CMIP: variants seen among roughly 807,000 people sequenced by gnomAD.
The protein encoded by CMIP is c-Maf inducing protein.
Under a neutral mutation model 97.3 loss-of-function variants are expected in CMIP, and 13 were observed. That is an observed-to-expected ratio of 0.13 (90% CI 0.09 to 0.21). The LOEUF (loss-of-function observed/expected upper bound fraction) is 0.21, where lower values mean the gene tolerates loss of function less well. CMIP is among the 10% of genes least tolerant of loss of function. The pLI is 1.00. For missense variants in CMIP, 847 were observed against 1,024.9 expected, an observed-to-expected ratio of 0.83 and a Z score of 2.37; for synonymous variants, 538 against 436.3, an observed-to-expected ratio of 1.23 and a Z score of -2.91.
chr16:81,575,759 C>T (rs112571666), intron 1 of CMIP, among the ~76,000 whole-genome samples: 1 of 152,130 alleles, frequency 6.6e-6, no homozygotes, highest in Non-Finnish European at 1.5e-5. Context: ...GAGTTCAGGT[C>T]CTGCCTCTGG....
chr16:81,680,759 G>A (rs1364907862), intron 10 of CMIP, among the ~76,000 whole-genome samples: 1 of 152,216 alleles, frequency 6.6e-6, no homozygotes, highest in Non-Finnish European at 1.5e-5. Context: ...TTTTGGAGGG[G>A]GCTCCCTGCT....
At chr16:81,663,113 A>ATTTT (rs1445661976) in intron 6 of CMIP, among the ~76,000 whole-genome samples, 2 of 137,170 alleles carry the variant, frequency 1.5e-5, no homozygotes, top group African/African-American at 5.5e-5. Context: ...AAAAAAAAAA[A>ATTTT]TTTTAAGGCT....
chr16:81,683,066 T>C (rs543959246), intron 10 of CMIP, among the ~76,000 whole-genome samples: 64 of 152,340 alleles, frequency 4.2e-4, no homozygotes, highest in African/African-American at 1.1e-3. Context: ...ATTCATTCTT[T>C]CATCCAGCTT....
At chr16:81,555,537 C>T (rs2090745163) in intron 1 of CMIP, among the ~76,000 whole-genome samples, 1 of 152,202 alleles carries the variant, frequency 6.6e-6, no homozygotes, top group Admixed American at 6.5e-5. Context: ...ATTCCCAGCT[C>T]AGCACATACA....
intron 1 of CMIP, among the ~76,000 whole-genome samples, chr16:81,469,976 C>T (rs1331492355): frequency 1.3e-5 from 2 of 152,136 alleles, no homozygotes; most frequent in African/African-American, 4.8e-5. Context: ...AAAGAGCAGG[C>T]CTCAGTGATC....
At chr16:81,589,552 G>A (rs542038163) in intron 1 of CMIP, among the ~76,000 whole-genome samples, 1 of 151,400 alleles carries the variant, frequency 6.6e-6, no homozygotes, top group South Asian at 2.1e-4. Flanking sequence ...CCCCATGGCA[G>A]CCAGCCTGGC....
At chr16:81,488,426 G>C (rs966946158) in intron 1 of CMIP, among the ~76,000 whole-genome samples, 14 of 152,318 alleles carry the variant, frequency 9.2e-5, no homozygotes, top group African/African-American at 3.4e-4. Context: ...TAATACGTAT[G>C]AAGTGCTTAG....
intron 1 of CMIP, among the ~76,000 whole-genome samples, chr16:81,520,999 C>T (rs1408881459): frequency 6.6e-6 from 1 of 152,198 alleles, no homozygotes; most frequent in Non-Finnish European, 1.5e-5. Flanking sequence ...AAAAAGGACC[C>T]CCCGCCCCCT....
chr16:81,568,481 C>T (rs534381519), intron 1 of CMIP, among the ~76,000 whole-genome samples: 1 of 152,156 alleles, frequency 6.6e-6, no homozygotes, highest in Non-Finnish European at 1.5e-5. Context: ...GGGCACCGTG[C>T]CTCGGGAGTG....
chr16:81,454,740 T>G (rs1195337902), intron 1 of CMIP, among the ~76,000 whole-genome samples: 1 of 152,218 alleles, frequency 6.6e-6, no homozygotes, highest in Non-Finnish European at 1.5e-5. Context: ...TGATACACCA[T>G]TGAACAAAGC....
intron 1 of CMIP, among the ~76,000 whole-genome samples, chr16:81,475,546 C>G (rs1056996163): frequency 1.3e-5 from 2 of 152,046 alleles, no homozygotes; most frequent in African/African-American, 2.4e-5. Flanking sequence ...TAACTCAACT[C>G]TGCAATCCAG....
At chr16:81,458,277 C>A (rs1352522630) in intron 1 of CMIP, among the ~76,000 whole-genome samples, 1 of 152,104 alleles carries the variant, frequency 6.6e-6, no homozygotes. Flanking sequence ...AACCCCATCA[C>A]CTGGAAGGCT....
intron 3 of CMIP, among the ~76,000 whole-genome samples, chr16:81,629,432 G>T (rs192509750): frequency 9.2e-5 from 14 of 152,296 alleles, no homozygotes; most frequent in Admixed American, 9.2e-4. Flanking sequence ...CTCCGAGGTG[G>T]CTCCTGGCTG....
At chr16:81,462,419 T>C (rs1906950059) in intron 1 of CMIP, among the ~76,000 whole-genome samples, 1 of 152,176 alleles carries the variant, frequency 6.6e-6, no homozygotes, top group Admixed American at 6.5e-5. Context: ...CACCTCCCTC[T>C]CTAGGGCAAT....
intron 14 of CMIP, among the ~76,000 whole-genome samples, chr16:81,699,466 C>G (rs1029224879): frequency 2.6e-5 from 4 of 152,156 alleles, no homozygotes; most frequent in African/African-American, 9.7e-5. Context: ...CTGGCTTATT[C>G]CACTCAACAT....
At chr16:81,583,245 C>T (rs1393828905) in intron 1 of CMIP, among the ~76,000 whole-genome samples, 1 of 152,212 alleles carries the variant, frequency 6.6e-6, no homozygotes, top group Non-Finnish European at 1.5e-5. Context: ...CAGCATTGGG[C>T]AAGTCCTGGG....
At chr16:81,488,563 C>T (rs892855756) in intron 1 of CMIP, among the ~76,000 whole-genome samples, 2 of 152,138 alleles carry the variant, frequency 1.3e-5, no homozygotes, top group Non-Finnish European at 2.9e-5. Flanking sequence ...TGGATATATG[C>T]GTCTCCTGGG....
At chr16:81,678,003 T>G (rs1248347916) in intron 9 of CMIP, among the ~76,000 whole-genome samples, 6 of 152,182 alleles carry the variant, frequency 3.9e-5, no homozygotes, top group Non-Finnish European at 8.8e-5. Context: ...CAGCAAATAT[T>G]TTTTGAGCAC....
At chr16:81,540,425 C>T (rs901795114) in intron 1 of CMIP, among the ~76,000 whole-genome samples, 12 of 152,152 alleles carry the variant, frequency 7.9e-5, no homozygotes, top group Non-Finnish European at 1.5e-4. Context: ...GCCTCAGCCT[C>T]CCGAGTAGCT....
Sources: gnomAD v4.1 joint callset for allele counts (sites outside exome capture counted in the v4.1 genomes callset) on GRCh38, gnomAD v4.1.1 for gene constraint, MANE v1.5 for transcripts, NCBI Gene and HGNC (gene_info 2026-07-23, HGNC 2026-07-21) for gene names.